Variants in COL4A5 observed in about 807,000 individuals in gnomAD.
COL4A5 encodes the protein collagen alpha-5(IV) chain.
Under a neutral mutation model 130.2 loss-of-function variants are expected in COL4A5, and 26 were observed. The ratio of observed to expected loss-of-function variants is 0.20; its 90% CI spans 0.15 to 0.28. The LOEUF is 0.28. Among genes scored for constraint, COL4A5 ranks in the 10% least tolerant of loss-of-function variants. COL4A5 has a pLI of 1.00. For synonymous variants in COL4A5, 496 were observed against 439.6 expected, an observed-to-expected ratio of 1.13 and a Z score of -1.60; for missense variants, 1,131 against 1,344.3, an observed-to-expected ratio of 0.84 and a Z score of 2.48.
intron 22 of COL4A5, 100 bp downstream of exon 22, chrX:108,595,701 C>A: frequency 4.8e-6 from 3 of 626,760 alleles, no homozygotes; most frequent in South Asian, 5.7e-5. Flanking sequence ...TATAACTAGT[C>A]ACTCATATCT....
chrX:108,676,018 A>G (rs1200457947), intron 43 of COL4A5, among the ~76,000 whole-genome samples: 4 of 111,913 alleles, frequency 3.6e-5, no homozygotes, highest in African/African-American at 3.2e-5. Flanking sequence ...GTAACCCAGC[A>G]TTCTAGCTCC....
chrX:108,578,176 T>C, intron 12 of COL4A5, 57 bp downstream of exon 12: 1 of 1,153,942 alleles, frequency 8.7e-7, no homozygotes, highest in Non-Finnish European at 1.2e-6. Context: ...TTTGTAGTCA[T>C]TTGAACTGTC....
In COL4A5 at chrX:108,635,279, G is replaced by A. The variant is rs770050714; in HGVS notation, c.3246+8930G>A. ...TGAGGTTTCAATGAGATTAAAACAT[G>A]CTTCATAAAAAAGAAAAAAAAGGAA... On this transcript the variant is annotated intron_variant, in intron 36 of 52. Coordinates refer to ENST00000328300, the MANE Select transcript of COL4A5 (RefSeq NM_033380.3). 3.6e-5 allele frequency among the ~76,000 whole-genome samples: 4 copies of A among 110,268 alleles called. No homozygotes were observed. The Admixed American group carries it at 3.9e-4, about 11-fold the overall frequency.
chrX:108,480,931 T>C (rs2064883327), intron 1 of COL4A5, among the ~76,000 whole-genome samples: 1 of 112,147 alleles, frequency 8.9e-6, no homozygotes, highest in South Asian at 3.7e-4. Context: ...TTTTTCTAGG[T>C]AGAGGCTGCT....
intron 1 of COL4A5, among the ~76,000 whole-genome samples, chrX:108,533,448 A>G (rs187943390): frequency 2.3e-4 from 26 of 111,765 alleles, no homozygotes; most frequent in African/African-American, 7.1e-4. Flanking sequence ...TAAACAGACA[A>G]CCTACAGAAT....
At chrX:108,655,939 T>C (rs1412517017) in intron 37 of COL4A5, among the ~76,000 whole-genome samples, 2 of 112,324 alleles carry the variant, frequency 1.8e-5, no homozygotes, top group African/African-American at 6.5e-5. Flanking sequence ...ACTAGATTAT[T>C]ATAGTACCTA....
chrX:108,647,305 T>A (rs1369246389), intron 36 of COL4A5, among the ~76,000 whole-genome samples: 2 of 111,461 alleles, frequency 1.8e-5, no homozygotes, highest in Non-Finnish European at 3.8e-5. Flanking sequence ...ACATCCCTTG[T>A]AAGTTGGATT....
In COL4A5 at chrX:108,667,815, C is replaced by T. The variant is rs1463198760; in HGVS notation, c.3605-504C>T. Among the ~76,000 whole-genome samples, 9 of 107,569 alleles carry T rather than the reference C, an allele frequency of 8.4e-5. No individual in the cohort carries two copies. The Admixed American group carries it at 8.8e-4, about 10-fold the overall frequency. 93.4% of individuals were successfully genotyped at this position (107,569 alleles called of 115,157 possible). A position where few individuals can be genotyped will look rare whatever the true frequency, so the allele number is the denominator to read the frequency against. ...TTTAATGTGCCACTGTTACATTGCT[C>T]TTAAAAGTGTCAGAGGTAGAGAAAA... On this transcript the variant is annotated intron_variant, in intron 40 of 52. Coordinates refer to ENST00000328300, the MANE Select transcript of COL4A5 (RefSeq NM_033380.3).
At chrX:108,489,181 C>A (rs1245520722) in intron 1 of COL4A5, among the ~76,000 whole-genome samples, 1 of 111,479 alleles carries the variant, frequency 9.0e-6, no homozygotes, top group South Asian at 3.7e-4. Flanking sequence ...TCCTTAATAC[C>A]TAAGCCACAT....
intron 16 of COL4A5, 53 bp downstream of exon 16, chrX:108,581,080 G>A (rs1187460493): frequency 1.4e-5 from 15 of 1,056,406 alleles, no homozygotes; most frequent in Non-Finnish European, 2.0e-5. Flanking sequence ...TTATGTGTTG[G>A]TATAACATAA....
At chrX:108,643,535 G>A (rs1183511800) in intron 36 of COL4A5, among the ~76,000 whole-genome samples, 1 of 111,785 alleles carries the variant, frequency 8.9e-6, no homozygotes, top group East Asian at 2.8e-4. Context: ...AACCCTACAA[G>A]CTTGAAGGGA....
intron 1 of COL4A5, among the ~76,000 whole-genome samples, chrX:108,527,859 A>G (rs2065342095): frequency 8.9e-6 from 1 of 111,806 alleles, no homozygotes; most frequent in African/African-American, 3.3e-5. Flanking sequence ...TGCAAGCACC[A>G]CATATGGGCC....
At chrX:108,666,667 C>G in intron 39 of COL4A5, 73 bp downstream of exon 39, 1 of 859,623 alleles carries the variant, frequency 1.2e-6, no homozygotes, top group Non-Finnish European at 1.7e-6. Context: ...TTTTATTACC[C>G]ACAGTGAAAT....
chrX:108,478,374 C>T (rs189898886), intron 1 of COL4A5, among the ~76,000 whole-genome samples: 1 of 111,306 alleles, frequency 9.0e-6, no homozygotes, highest in East Asian at 2.8e-4. Context: ...GAACAGGAAG[C>T]AAAAATTTTG....
At chrX:108,585,676 A>G (rs1441618187) in intron 18 of COL4A5, among the ~76,000 whole-genome samples, 1 of 111,505 alleles carries the variant, frequency 9.0e-6, no homozygotes, top group African/African-American at 3.2e-5. Context: ...AAGTTCATTT[A>G]CCTTTATAGG....
chrX:108,580,881 A>G, intron 15 of COL4A5, 102 bp from the exon 16 acceptor site: 1 of 995,519 alleles, frequency 1.0e-6, no homozygotes, highest in Non-Finnish European at 1.4e-6. Context: ...AGTCTACTTA[A>G]TATAGTCCAA....
chrX:108,628,122 T>A (rs1012987810), intron 36 of COL4A5, among the ~76,000 whole-genome samples: 2 of 110,921 alleles, frequency 1.8e-5, no homozygotes, highest in Admixed American at 9.7e-5. Context: ...TTATTTTTTA[T>A]AATTATATAG....
intron 2 of COL4A5, among the ~76,000 whole-genome samples, chrX:108,551,740 C>A (rs1029583696): frequency 1.8e-5 from 2 of 111,813 alleles, no homozygotes; most frequent in African/African-American, 6.5e-5. Context: ...AGCAATCATT[C>A]TACTGAAGAG....
chrX:108,591,045 T>G lies in COL4A5; in HGVS notation c.1166-13T>G. 1 of 1,206,048 alleles carries G rather than the reference T, an allele frequency of 8.3e-7. No homozygotes were observed. The highest frequency in any genetic ancestry group is 1.1e-6 in the Non-Finnish European group (1 of 891,714). On this transcript the variant is annotated splice_polypyrimidine_tract_variant and intron_variant, in intron 19 of 52. Transcript: ENST00000328300. The stretch of plus-strand genomic sequence containing the variant: ...TAAGATGAAATCATTTTGATCACTT[T>G]TTTGAATCTTAGGGGCTGCAGTTAT...
Sources: allele counts gnomAD v4.1 joint callset (sites outside exome capture counted in the v4.1 genomes callset), GRCh38; gene constraint gnomAD v4.1.1; transcripts MANE v1.5; gene names NCBI Gene and HGNC (gene_info 2026-07-23, HGNC 2026-07-21).